GNA11: variants seen among roughly 807,000 people sequenced by gnomAD.
GNA11 encodes the protein guanine nucleotide-binding protein subunit alpha-11.
In GNA11, 8 loss-of-function variants were observed where a neutral mutation model predicts 38.2. The observed-to-expected ratio is 0.21, with a 90% CI of 0.12 to 0.38. The LOEUF (loss-of-function observed/expected upper bound fraction) is 0.38, where lower values mean the gene tolerates loss of function less well. Ranked by LOEUF, GNA11 falls within the 10% of genes least tolerant of loss-of-function variation. The pLI is 1.00. For synonymous variants in GNA11, 211 were observed against 221.4 expected (o/e 0.95, Z 0.42); for missense variants, 268 against 516.3 (o/e 0.52, Z 4.66).
chr19:3,107,747 G>T (rs1200259111), intron 1 of GNA11, among the ~76,000 whole-genome samples: 1 of 152,128 alleles, frequency 6.6e-6, no homozygotes, highest in Admixed American at 6.5e-5. Flanking sequence ...GTGGGTGGGG[G>T]CCAGGGTTGC....
intron 4 of GNA11, 108 bp from the exon 5 acceptor site, chr19:3,118,816 C>T (rs1330730244): frequency 2.2e-5 from 23 of 1,022,538 alleles, no homozygotes; most frequent in Non-Finnish European, 2.9e-5. Context: ...CTGCTCCAGC[C>T]GATGTCAGTC....
intron 1 of GNA11, among the ~76,000 whole-genome samples, chr19:3,098,549 C>T (rs973814929): frequency 2.6e-5 from 4 of 152,272 alleles, no homozygotes; most frequent in African/African-American, 4.8e-5. Flanking sequence ...AGGCTGCTAG[C>T]GAGGCTGAGC....
chr19:3,118,826 C>G lies in GNA11; in HGVS notation c.606-98C>G, dbSNP rs1913989665. On this transcript the variant is annotated intron_variant, in intron 4 of 6. Transcript: ENST00000078429. The stretch of plus-strand genomic sequence containing the variant: ...TCTTCCTGCTCCAGCCGATGTCAGT[C>G]TGGTGTGGCAGGAGGGGCTTGGGTG... 6.4e-6 allele frequency: 7 copies of G among 1,098,036 alleles called. No homozygotes were observed. In the South Asian group the frequency reaches 9.4e-5, roughly 15 times the overall value. 68.0% of individuals were successfully genotyped at this position (1,098,036 alleles called of 1,614,324 possible). A position where few individuals can be genotyped will look rare whatever the true frequency, so the allele number is the denominator to read the frequency against.
At chr19:3,096,173 C>T (rs1699014854) in intron 1 of GNA11, among the ~76,000 whole-genome samples, 1 of 152,188 alleles carries the variant, frequency 6.6e-6, no homozygotes, top group African/African-American at 2.4e-5. Context: ...TCTTAGGGCC[C>T]TCCGTGTCCC....
rs10405365 is a variant in GNA11, at chr19:3,120,002, C to G, written c.889+643C>G. Among the ~76,000 whole-genome samples the G allele has an allele frequency of 0.049, 7,491 of 152,058 alleles. 396 individuals carry two copies. The highest frequency in any genetic ancestry group is 0.14 in the African/African-American group (5,725 of 41,462). ...GCCAGGGGAGGGTGTTGTGTGCCCT[C>G]GTCTGTGTGGTCAGTGGCTGCCGTT... On this transcript the variant is annotated intron_variant, in intron 6 of 6. Transcript: ENST00000078429. This position sits in a 1 kb window ranked among gnomAD's most constrained non-coding sequence, Gnocchi z 5.9.
chr19:3,123,763 C>T lies in GNA11; in HGVS notation c.*2584C>T, dbSNP rs1914148601. On this transcript the variant is annotated 3_prime_UTR_variant, in exon 7 of 7. Coordinates refer to ENST00000078429, the MANE Select transcript of GNA11 (RefSeq NM_002067.5). ...ACACAGTCCTGATTTCAGACAATTT[C>T]AACCTTAATCTATTTAAAAAAGAAT... The T allele has an allele frequency of 1.3e-5, 3 of 232,304 alleles. No individual in the cohort carries two copies. The Admixed American group carries it at 1.7e-4, about 13-fold the overall frequency. The allele number at this position is 232,304 out of a possible 1,614,324, so 14.4% of individuals were successfully genotyped here.
At chr19:3,115,621 C>G (rs2030972931) in intron 4 of GNA11, among the ~76,000 whole-genome samples, 1 of 151,126 alleles carries the variant, frequency 6.6e-6, no homozygotes, top group Non-Finnish European at 1.5e-5. Flanking sequence ...GGCCGGGGGC[C>G]TGGTTGGAGC....
At position 3,120,881 on chromosome 19, in the gene GNA11, G is replaced by A; in HGVS notation, c.890-108G>A. 2.7e-6 allele frequency: 2 copies of A among 743,404 alleles called. No individual in the cohort carries two copies. The highest frequency in any genetic ancestry group is 4.4e-6 in the Non-Finnish European group (2 of 456,618). 46.1% of individuals were successfully genotyped at this position (743,404 alleles called of 1,614,324 possible). A position where few individuals can be genotyped will look rare whatever the true frequency, so the allele number is the denominator to read the frequency against. ...TGCAGTGGGCTGGGGGTCGAGCTGG[G>A]TGGGCCGTGGGCCTTACTCGCTCAT... is the stretch of plus-strand genomic sequence containing the variant. On this transcript the variant is annotated intron_variant, in intron 6 of 6. Coordinates refer to ENST00000078429, the MANE Select transcript of GNA11 (RefSeq NM_002067.5). This position sits in a 1 kb window ranked among gnomAD's most constrained non-coding sequence, Gnocchi z 5.9.
In GNA11 at chr19:3,094,740, G is replaced by T. The variant is rs1913318778; in HGVS notation, c.89G>T (p.Arg30Leu). The T allele has an allele frequency of 6.3e-7, 1 of 1,590,636 alleles. No homozygotes were observed. The change falls in exon 1 of 7, where the codon CGG (arginine) becomes CTG (leucine). Residue 30 changes from arginine (R) to leucine (L), a missense_variant. Transcript: ENST00000078429. The surrounding 1 kb of genome is among the most constrained non-coding windows in gnomAD (Gnocchi z 6.0). ...AACGCCGAGATCGAGAAGCAGCTGC[G>T]GCGGGACAAGCGCGACGCCCGGCGC... ...RINAEIEKQL[R>L]RDKRDARREL... is the part of the protein sequence containing the mutation.
At chr19:3,100,508 G>C (rs1913476335) in intron 1 of GNA11, among the ~76,000 whole-genome samples, 1 of 152,240 alleles carries the variant, frequency 6.6e-6, no homozygotes, top group Non-Finnish European at 1.5e-5. Context: ...AGATCACGCA[G>C]GGAAGTGGAG....
rs1466564916 is a variant in GNA11 at position 3,118,764 on chromosome 19, C to T, written c.606-160C>T. ...CACCCCTGGAGGCGGTGCGGCCGCT[C>T]TCTGAGAGCGTCCTTGCCCGTTCTA... On this transcript the variant is annotated intron_variant, in intron 4 of 6. Transcript: ENST00000078429. The T allele has an allele frequency of 6.0e-6, 4 of 670,366 alleles. No homozygotes were observed. In the Admixed American group the frequency reaches 8.2e-5, roughly 14 times the overall value. 41.5% of individuals were successfully genotyped at this position (670,366 alleles called of 1,614,324 possible). A position where few individuals can be genotyped will look rare whatever the true frequency, so the allele number is the denominator to read the frequency against.
chr19:3,104,115 C>T (rs555839654), intron 1 of GNA11, among the ~76,000 whole-genome samples: 5 of 152,378 alleles, frequency 3.3e-5, no homozygotes, highest in Admixed American at 6.5e-5. Context: ...CCACCGCGCC[C>T]GGCTTTGAAT....
intron 4 of GNA11, among the ~76,000 whole-genome samples, chr19:3,116,265 C>T (rs1301220499): frequency 1.3e-5 from 2 of 152,184 alleles, no homozygotes; most frequent in African/African-American, 4.8e-5. Flanking sequence ...ATCTCCAGCG[C>T]TGAGGTCCCG....
intron 1 of GNA11, among the ~76,000 whole-genome samples, chr19:3,098,689 G>A (rs1036676249): frequency 6.6e-6 from 1 of 152,242 alleles, no homozygotes; most frequent in African/African-American, 2.4e-5. Context: ...GGCCCCACGG[G>A]AAGGGCCGGG....
rs1420026055 is a variant in GNA11, at chr19:3,119,345, T to A, written c.875T>A (p.Phe292Tyr). The A allele has an allele frequency of 1.2e-6, 2 of 1,613,070 alleles. No homozygotes were observed. Among genetic ancestry groups the A allele is most frequent in the Non-Finnish European group, 1.7e-6 (2 of 1,179,758 alleles). ...CTGTACTCGCACCTGGTGGACTACT[T>A]CCCCGAGTTCGATGGTGCGCCGGGC... is the stretch of plus-strand genomic sequence containing the variant. Reference protein sequence around the residue: ...KILYSHLVDYFPEFDGPQRDA... With the variant: ...KILYSHLVDYYPEFDGPQRDA... The change falls in exon 6 of 7, where the codon TTC becomes TAC. Residue 292 changes from phenylalanine (F) to tyrosine (Y), a missense_variant. This residue lies in a region of GNA11 where 92 missense variants were observed against 166.7 expected (regional missense o/e 0.55). Coordinates refer to ENST00000078429, the MANE Select transcript of GNA11 (RefSeq NM_002067.5). The surrounding 1 kb of genome is among the most constrained non-coding windows in gnomAD (Gnocchi z 4.6).
chr19:3,113,499 A>G lies in GNA11; in HGVS notation c.476+15A>G, dbSNP rs775791820. 5.2e-6 allele frequency: 8 copies of G among 1,549,900 alleles called. No homozygotes were observed. In the East Asian group the frequency reaches 1.6e-4, roughly 32 times the overall value. ...TCTGCCAAGTAGTAAGTGCGGCCGC[A>G]CCGCTGGCGGCCTGGGGACGGCAGC... On this transcript the variant is annotated intron_variant, in intron 3 of 6. Coordinates refer to ENST00000078429, the MANE Select transcript of GNA11 (RefSeq NM_002067.5).
Position 3,113,520 on chromosome 19 carries a change from G to A in GNA11, c.476+36G>A, listed in dbSNP as rs574983892. 68 of 1,438,818 alleles carry A rather than the reference G, an allele frequency of 4.7e-5. 1 individual carries two copies. The East Asian group carries it at 1.6e-3, about 34-fold the overall frequency. The allele number at this position is 1,438,818 out of a possible 1,614,324, so 89.1% of individuals were successfully genotyped here. On this transcript the variant is annotated intron_variant, in intron 3 of 6. Transcript: ENST00000078429. ...CCGCACCGCTGGCGGCCTGGGGACGGCAGCTGCGGGCCGGTGCCTGGGACC... is the reference window on the plus strand; with the variant it reads ...CCGCACCGCTGGCGGCCTGGGGACGACAGCTGCGGGCCGGTGCCTGGGACC...
rs924338934 is a variant in GNA11 at position 3,121,608 on chromosome 19, C to G, written c.*429C>G. ...AGTCACGCGCCCCCACACCGCAGCC[C>G]CCCGTGGCTGTCCTTCCAACCCCAC... On this transcript the variant is annotated 3_prime_UTR_variant, in exon 7 of 7. Coordinates refer to ENST00000078429, the MANE Select transcript of GNA11 (RefSeq NM_002067.5). 4.3e-6 allele frequency: 1 copy of G among 233,872 alleles called. No individual in the cohort carries two copies. The highest frequency in any genetic ancestry group is 2.2e-5 in the African/African-American group (1 of 45,342). 14.5% of individuals were successfully genotyped at this position (233,872 alleles called of 1,614,324 possible).
intron 1 of GNA11, among the ~76,000 whole-genome samples, chr19:3,107,717 G>T (rs1324641818): frequency 1.3e-5 from 2 of 152,198 alleles, no homozygotes; most frequent in Admixed American, 1.3e-4. Context: ...CACAATTCGG[G>T]GGGGTGCTCC....
Sources: allele counts gnomAD v4.1 joint callset (sites outside exome capture counted in the v4.1 genomes callset), GRCh38; gene constraint gnomAD v4.1.1; regional missense constraint gnomAD v4.1.1; non-coding constraint Gnocchi (gnomAD v3.1); transcripts MANE v1.5; gene names NCBI Gene and HGNC (gene_info 2026-07-23, HGNC 2026-07-21).